PLCL1: variants seen among roughly 807,000 people sequenced by gnomAD.
The protein encoded by PLCL1 is inactive phospholipase C-like protein 1.
A neutral mutation model predicts 84.4 loss-of-function variants in PLCL1; 41 were observed. That is an observed-to-expected ratio of 0.49 (90% CI 0.38 to 0.63). The LOEUF (loss-of-function observed/expected upper bound fraction) is 0.63, where lower values mean the gene tolerates loss of function less well. Ranked by LOEUF, PLCL1 falls within the 30% of genes least tolerant of loss-of-function variation. The pLI, the probability that PLCL1 is intolerant of heterozygous loss-of-function variation, is 0.00. For missense variants in PLCL1, 1,206 were observed against 1,367.8 expected, an observed-to-expected ratio of 0.88 and a Z score of 1.87; for synonymous variants, 490 against 488.3, an observed-to-expected ratio of 1.00 and a Z score of -0.05.
chr2:198,017,203 G>T (rs1691019371), intron 1 of PLCL1, among the ~76,000 whole-genome samples: 1 of 152,092 alleles, frequency 6.6e-6, no homozygotes, highest in African/African-American at 2.4e-5. Context: ...AACACAACAG[G>T]AATTCACCTT....
chr2:198,073,193 A>C (rs906519530), intron 1 of PLCL1, among the ~76,000 whole-genome samples: 2 of 152,210 alleles, frequency 1.3e-5, no homozygotes, highest in Non-Finnish European at 2.9e-5. Flanking sequence ...TATTATCTCA[A>C]ATAAAAACTA....
intron 1 of PLCL1, among the ~76,000 whole-genome samples, chr2:197,964,497 G>C (rs1169266738): frequency 6.6e-6 from 1 of 151,910 alleles, no homozygotes. Flanking sequence ...ATAGTTTTTT[G>C]ATGGAGTCTT....
At chr2:198,145,833 T>C (rs1445327978) in intron 5 of PLCL1, among the ~76,000 whole-genome samples, 1 of 152,196 alleles carries the variant, frequency 6.6e-6, no homozygotes, top group Admixed American at 6.5e-5. Context: ...CTCTGCTTTG[T>C]AGAATAATGC....
At chr2:197,870,597 A>T (rs1394942944) in intron 1 of PLCL1, among the ~76,000 whole-genome samples, 1 of 152,152 alleles carries the variant, frequency 6.6e-6, no homozygotes, top group African/African-American at 2.4e-5. Flanking sequence ...GAGTGTTACC[A>T]TATTTGTTAG....
intron 1 of PLCL1, among the ~76,000 whole-genome samples, chr2:197,912,512 T>C (rs921689511): frequency 2.0e-5 from 3 of 151,378 alleles, no homozygotes; most frequent in Admixed American, 2.0e-4. Flanking sequence ...TATTGCGGCA[T>C]TATTCACAAT....
In PLCL1 at chr2:198,048,737, G is replaced by T. The variant is rs552742196; in HGVS notation, c.241-35021G>T. 2.0e-5 allele frequency among the ~76,000 whole-genome samples: 3 copies of T among 152,304 alleles called. No homozygotes were observed. The South Asian group carries it at 6.2e-4, about 32-fold the overall frequency. The stretch of plus-strand genomic sequence containing the variant: ...CCCATGACCCAGACACCTCCCACTA[G>T]GCCCCATCTCCAACATTGGAGATCA... On this transcript the variant is annotated intron_variant, in intron 1 of 5. Coordinates refer to ENST00000428675, the MANE Select transcript of PLCL1 (RefSeq NM_006226.4).
chr2:198,001,160 T>A (rs1456834831), intron 1 of PLCL1, among the ~76,000 whole-genome samples: 1 of 152,186 alleles, frequency 6.6e-6, no homozygotes, highest in Non-Finnish European at 1.5e-5. Context: ...ATTCCTATTG[T>A]ATCTGTAAGT....
intron 1 of PLCL1, among the ~76,000 whole-genome samples, chr2:198,027,659 G>T (rs886528916): frequency 2.0e-5 from 3 of 151,990 alleles, no homozygotes; most frequent in African/African-American, 7.3e-5. Flanking sequence ...GGGGAAAAAA[G>T]AATATTAGTA....
chr2:197,962,426 C>T (rs115087310), intron 1 of PLCL1, among the ~76,000 whole-genome samples: 33 of 152,116 alleles, frequency 2.2e-4, no homozygotes, highest in African/African-American at 5.8e-4. Context: ...TGGTAACTAA[C>T]GTAAACTAAT....
intron 1 of PLCL1, among the ~76,000 whole-genome samples, chr2:197,869,026 A>C (rs1687598131): frequency 6.6e-6 from 1 of 152,164 alleles, no homozygotes; most frequent in African/African-American, 2.4e-5. Context: ...AGACAGTTTG[A>C]GTGCCTGTTA....
chr2:197,965,483 TG>T (rs1259078189), intron 1 of PLCL1, among the ~76,000 whole-genome samples: 1 of 152,130 alleles, frequency 6.6e-6, no homozygotes, highest in African/African-American at 2.4e-5. Flanking sequence ...TTTTGTTGAT[TG>T]TTTTTAATCT....
chr2:197,923,176 T>G (rs1574950563), intron 1 of PLCL1, among the ~76,000 whole-genome samples: 1 of 136,996 alleles, frequency 7.3e-6, no homozygotes. Context: ...GCCCCTCACC[T>G]CCCGGACGGG....
At chr2:197,924,608 A>T (rs1688798101) in intron 1 of PLCL1, among the ~76,000 whole-genome samples, 1 of 152,036 alleles carries the variant, frequency 6.6e-6, no homozygotes, top group African/African-American at 2.4e-5. Flanking sequence ...GAACTGAAGT[A>T]CAGAGGGCTA....
At chr2:197,923,310 C>G (rs1688756938) in intron 1 of PLCL1, among the ~76,000 whole-genome samples, 1 of 149,384 alleles carries the variant, frequency 6.7e-6, no homozygotes, top group Admixed American at 6.6e-5. Context: ...AGACGCTCCT[C>G]ACTTCCCAGA....
At chr2:198,031,632 G>C (rs1418588591) in intron 1 of PLCL1, among the ~76,000 whole-genome samples, 4 of 147,008 alleles carry the variant, frequency 2.7e-5, no homozygotes, top group Non-Finnish European at 4.5e-5. Context: ...TGAGGTTACA[G>C]GTATGAGCCA....
chr2:197,977,244 C>T (rs561413942), intron 1 of PLCL1, among the ~76,000 whole-genome samples: 45 of 152,294 alleles, frequency 3.0e-4, no homozygotes, highest in African/African-American at 1.1e-3. Flanking sequence ...GATCCAATAA[C>T]ATCATCAAAG....
chr2:197,890,037 T>C (rs1574933412), intron 1 of PLCL1, among the ~76,000 whole-genome samples: 1 of 152,296 alleles, frequency 6.6e-6, no homozygotes, highest in South Asian at 2.1e-4. Context: ...TTTGGTATCA[T>C]GCTAAATAGA....
At chr2:197,910,750 T>G (rs948941531) in intron 1 of PLCL1, among the ~76,000 whole-genome samples, 4 of 152,224 alleles carry the variant, frequency 2.6e-5, no homozygotes, top group African/African-American at 9.6e-5. Flanking sequence ...TTTCTTAACC[T>G]TTTCTGCCTG....
At chr2:197,963,134 T>C (rs779857959) in intron 1 of PLCL1, among the ~76,000 whole-genome samples, 1 of 152,066 alleles carries the variant, frequency 6.6e-6, no homozygotes, top group African/African-American at 2.4e-5. Flanking sequence ...TATTTTTAGT[T>C]TTTTGAGGAA....
Sources: gnomAD v4.1 joint callset for allele counts (sites outside exome capture counted in the v4.1 genomes callset) on GRCh38, gnomAD v4.1.1 for gene constraint, MANE v1.5 for transcripts, NCBI Gene and HGNC (gene_info 2026-07-23, HGNC 2026-07-21) for gene names.